Variants in NAALADL2 observed in about 807,000 individuals in gnomAD.
NAALADL2 encodes inactive N-acetylated-alpha-linked acidic dipeptidase-like protein 2.
Under a neutral mutation model 87.2 loss-of-function variants are expected in NAALADL2, and 76 were observed. The ratio of observed to expected loss-of-function variants is 0.87; its 90% confidence interval spans 0.72 to 1.05. The LOEUF (loss-of-function observed/expected upper bound fraction) is 1.05, where lower values mean the gene tolerates loss of function less well. Among genes scored for constraint, NAALADL2 ranks in the 50% least tolerant of loss-of-function variants. The pLI, the probability that NAALADL2 is intolerant of heterozygous loss-of-function variation, is 0.00. For synonymous variants in NAALADL2, 354 were observed against 331.0 expected, an observed-to-expected ratio of 1.07 and a Z score of -0.75; for missense variants, 1,089 against 945.8, an observed-to-expected ratio of 1.15 and a Z score of -1.99.
At chr3:175,362,325 G>A (rs1765117629) in intron 5 of NAALADL2, among the ~76,000 whole-genome samples, 1 of 147,730 alleles carries the variant, frequency 6.8e-6, no homozygotes, top group Non-Finnish European at 1.5e-5. Flanking sequence ...TGTTCTTTTG[G>A]CTTAGGATTG....
At chr3:175,325,143 A>AT (rs572452255) in intron 5 of NAALADL2, among the ~76,000 whole-genome samples, 5 of 151,834 alleles carry the variant, frequency 3.3e-5, no homozygotes, top group Admixed American at 6.6e-5. Flanking sequence ...GTTCTGCCAA[A>AT]TTTTTTTTGT....
At chr3:174,647,506 G>A (rs1023293744) in intron 2 of NAALADL2, among the ~76,000 whole-genome samples, 1 of 152,154 alleles carries the variant, frequency 6.6e-6, no homozygotes, top group Non-Finnish European at 1.5e-5. Flanking sequence ...GATTTTTTGA[G>A]ACAATCTCAA....
intron 5 of NAALADL2, among the ~76,000 whole-genome samples, chr3:175,341,000 T>G (rs1410462966): frequency 7.4e-6 from 1 of 135,868 alleles, no homozygotes; most frequent in Non-Finnish European, 1.5e-5. Context: ...TCAACTAAGG[T>G]TTTTTTTTTT....
chr3:175,433,703 TC>T (rs989814633), intron 5 of NAALADL2, among the ~76,000 whole-genome samples: 1 of 152,034 alleles, frequency 6.6e-6, no homozygotes, highest in African/African-American at 2.4e-5. Flanking sequence ...CCTTTTTTTT[TC>T]TCTTTTGGAT....
intron 1 of NAALADL2, among the ~76,000 whole-genome samples, chr3:174,983,523 G>T (rs769318191): frequency 6.6e-6 from 1 of 152,184 alleles, no homozygotes; most frequent in Non-Finnish European, 1.5e-5. Flanking sequence ...AGGCTGAGAA[G>T]TTCAAGATCA....
intron 11 of NAALADL2, among the ~76,000 whole-genome samples, chr3:175,664,905 C>T (rs938599257): frequency 6.6e-6 from 1 of 152,050 alleles, no homozygotes; most frequent in African/African-American, 2.4e-5. Context: ...CAGTGAAGGT[C>T]CTTTTACTAA....
At chr3:175,144,362 A>G (rs1393926456) in intron 2 of NAALADL2, among the ~76,000 whole-genome samples, 4 of 151,946 alleles carry the variant, frequency 2.6e-5, no homozygotes, top group Non-Finnish European at 5.9e-5. Context: ...TTTAAGATTG[A>G]TTGGAAAACA....
chr3:175,281,855 T>C (rs561454275), intron 4 of NAALADL2, among the ~76,000 whole-genome samples: 53 of 152,164 alleles, frequency 3.5e-4, no homozygotes, highest in African/African-American at 1.2e-3. Flanking sequence ...GCTCAACTTC[T>C]TCTCTGTCAC....
intron 2 of NAALADL2, among the ~76,000 whole-genome samples, chr3:174,555,111 T>C (rs1712595460): frequency 6.6e-6 from 1 of 152,188 alleles, no homozygotes; most frequent in Non-Finnish European, 1.5e-5. Context: ...TACATATGAA[T>C]TTTGGGAGGA....
intron 9 of NAALADL2, among the ~76,000 whole-genome samples, chr3:175,520,633 G>C (rs931529725): frequency 1.3e-5 from 2 of 152,176 alleles, no homozygotes. Flanking sequence ...ATATCCAGAA[G>C]AAAGTGAGTA....
intron 1 of NAALADL2, among the ~76,000 whole-genome samples, chr3:174,504,828 G>T (rs1342589013): frequency 1.3e-5 from 2 of 152,094 alleles, no homozygotes; most frequent in African/African-American, 2.4e-5. Flanking sequence ...TTCATTAGTA[G>T]TAGTACAAGT....
chr3:174,501,124 G>A (rs1339992887), intron 1 of NAALADL2, among the ~76,000 whole-genome samples: 1 of 137,642 alleles, frequency 7.3e-6, no homozygotes, highest in African/African-American at 3.2e-5. Context: ...TGTCACTCAG[G>A]CTGGAGTGCA....
intron 11 of NAALADL2, among the ~76,000 whole-genome samples, chr3:175,725,772 A>G (rs934386365): frequency 6.6e-6 from 1 of 152,110 alleles, no homozygotes; most frequent in African/African-American, 2.4e-5. Flanking sequence ...CAATGCTTCT[A>G]TTTTCTCATG....
At chr3:174,520,623 A>C (rs1720215878) in intron 1 of NAALADL2, among the ~76,000 whole-genome samples, 3 of 152,174 alleles carry the variant, frequency 2.0e-5, no homozygotes, top group Admixed American at 2.0e-4. Context: ...ACCCAGGAAA[A>C]GCTCTTCTGG....
chr3:174,927,871 A>G (rs923387654), intron 1 of NAALADL2, among the ~76,000 whole-genome samples: 2 of 152,182 alleles, frequency 1.3e-5, no homozygotes, highest in Non-Finnish European at 2.9e-5. Context: ...AGCATAACTA[A>G]AGGAGATAGA....
At chr3:175,773,952 G>A (rs1474147014) in intron 13 of NAALADL2, among the ~76,000 whole-genome samples, 1 of 152,086 alleles carries the variant, frequency 6.6e-6, no homozygotes, top group Non-Finnish European at 1.5e-5. Flanking sequence ...TCTCTTTTCA[G>A]AGATTGTAAA....
At chr3:175,044,032 A>G (rs1466995666) in intron 1 of NAALADL2, among the ~76,000 whole-genome samples, 3 of 152,088 alleles carry the variant, frequency 2.0e-5, no homozygotes, top group African/African-American at 4.8e-5. Flanking sequence ...TCATTTATTT[A>G]TGTCTTCTTC....
chr3:174,567,753 T>C (rs1055227420), intron 2 of NAALADL2, among the ~76,000 whole-genome samples: 3 of 151,708 alleles, frequency 2.0e-5, no homozygotes, highest in African/African-American at 7.2e-5. Context: ...ATAGTGTTAA[T>C]GTAAGTATTA....
intron 5 of NAALADL2, among the ~76,000 whole-genome samples, chr3:175,409,166 C>T (rs73033633): frequency 0.025 from 3,840 of 151,600 alleles, 143 homozygotes; most frequent in African/African-American, 0.088. Flanking sequence ...GAATATCAAC[C>T]TTATATGTTT....
Sources: allele counts gnomAD v4.1 joint callset (sites outside exome capture counted in the v4.1 genomes callset), GRCh38; gene constraint gnomAD v4.1.1; transcripts MANE v1.5; gene names NCBI Gene and HGNC (gene_info 2026-07-23, HGNC 2026-07-21).